DSE: variants seen among roughly 807,000 people sequenced by gnomAD.
The protein encoded by DSE is dermatan-sulfate epimerase.
In DSE, 36 loss-of-function variants were observed where a neutral mutation model predicts 84.4. The observed-to-expected ratio is 0.43, with a 90% CI of 0.33 to 0.56. The LOEUF is 0.56. DSE is among the 20% of genes least tolerant of loss of function. The pLI is 0.06. For missense variants in DSE, 862 were observed against 1,169.6 expected (o/e 0.74, Z 3.84); for synonymous variants, 410 against 430.1 (o/e 0.95, Z 0.58).
intron 1 of DSE, among the ~76,000 whole-genome samples, chr6:116,388,239 A>G: frequency 6.6e-6 from 1 of 152,198 alleles, no homozygotes; most frequent in Admixed American, 6.5e-5. Context: ...AGGCCTGAGA[A>G]CTAGGACCAC....
At chr6:116,328,468 C>T (rs1378402500) in intron 2 of DSE, among the ~76,000 whole-genome samples, 2 of 152,014 alleles carry the variant, frequency 1.3e-5, no homozygotes, top group African/African-American at 4.8e-5. Flanking sequence ...AGATGGGGTG[C>T]GAAGAGTTTC....
At chr6:116,427,478 AT>A (rs1281652239) in intron 3 of DSE, among the ~76,000 whole-genome samples, 1 of 152,248 alleles carries the variant, frequency 6.6e-6, no homozygotes, top group Non-Finnish European at 1.5e-5. Flanking sequence ...TAAATATATA[AT>A]TGGAGATTGG....
chr6:116,378,942 G>A (rs1296864409), intron 1 of DSE, among the ~76,000 whole-genome samples: 1 of 152,124 alleles, frequency 6.6e-6, no homozygotes, highest in Non-Finnish European at 1.5e-5. Context: ...TGTTGCCCAT[G>A]TAGGAAAGAA....
chr6:116,376,765 A>G (rs980715445), intron 1 of DSE, among the ~76,000 whole-genome samples: 1 of 152,246 alleles, frequency 6.6e-6, no homozygotes, highest in African/African-American at 2.4e-5. Context: ...TTGGCATTTT[A>G]TATTTGGGAA....
chr6:116,371,365 A>C (rs1562261267), intron 1 of DSE, among the ~76,000 whole-genome samples: 1 of 152,122 alleles, frequency 6.6e-6, no homozygotes, highest in Non-Finnish European at 1.5e-5. Context: ...CTCGAGGGGC[A>C]GCTTTTCGAT....
chr6:116,347,068 G>A (rs1562244922), intron 2 of DSE, among the ~76,000 whole-genome samples: 1 of 152,194 alleles, frequency 6.6e-6, no homozygotes, highest in East Asian at 1.9e-4. Flanking sequence ...TACAAGGGAT[G>A]TGAAGGACTT....
At chr6:116,392,468 G>A (rs1404478977) in intron 1 of DSE, among the ~76,000 whole-genome samples, 1 of 152,088 alleles carries the variant, frequency 6.6e-6, no homozygotes, top group African/African-American at 2.4e-5. Context: ...CTAACTATGG[G>A]GCCCATCCAT....
intron 1 of DSE, among the ~76,000 whole-genome samples, chr6:116,374,193 G>A (rs1477798851): frequency 2.0e-5 from 3 of 152,180 alleles, no homozygotes; most frequent in Non-Finnish European, 4.4e-5. Flanking sequence ...CAAAAGACTA[G>A]CATTTTGTGG....
At chr6:116,276,262 G>A (rs1023758870) in intron 2 of DSE, among the ~76,000 whole-genome samples, 4 of 152,094 alleles carry the variant, frequency 2.6e-5, no homozygotes, top group African/African-American at 9.7e-5. Context: ...GAAAATAGAG[G>A]AGTACATCAC....
intron 2 of DSE, among the ~76,000 whole-genome samples, chr6:116,412,289 A>G (rs887465782): frequency 6.6e-6 from 1 of 151,862 alleles, no homozygotes; most frequent in Non-Finnish European, 1.5e-5. Flanking sequence ...ATGACAAATT[A>G]TGCTTTCCTT....
At chr6:116,256,816 C>T (rs1323159593) in intron 1 of DSE, 1 of 152,138 alleles carries the variant, frequency 6.6e-6, no homozygotes, top group Non-Finnish European at 1.5e-5. Flanking sequence ...TTATATTTTA[C>T]ATTTTTTGCA....
chr6:116,342,396 C>T (rs1426212367), intron 2 of DSE, among the ~76,000 whole-genome samples: 1 of 151,848 alleles, frequency 6.6e-6, no homozygotes, highest in African/African-American at 2.4e-5. Context: ...ATTCTCCTGC[C>T]TCAGTCTCCT....
intron 2 of DSE, among the ~76,000 whole-genome samples, chr6:116,404,133 C>T (rs1781771073): frequency 6.6e-6 from 1 of 152,126 alleles, no homozygotes; most frequent in African/African-American, 2.4e-5. Context: ...TAGCCAAGCT[C>T]TTGGTAGATG....
At chr6:116,320,598 A>C (rs1232442314) in intron 2 of DSE, among the ~76,000 whole-genome samples, 5 of 152,202 alleles carry the variant, frequency 3.3e-5, no homozygotes, top group Admixed American at 1.3e-4. Flanking sequence ...TTAAACAACA[A>C]AAATTTATTT....
intron 2 of DSE, among the ~76,000 whole-genome samples, chr6:116,305,799 A>G (rs1029491541): frequency 6.6e-6 from 1 of 152,012 alleles, no homozygotes; most frequent in African/African-American, 2.4e-5. Flanking sequence ...GTGCCACCAC[A>G]GCCAGCTAAT....
chr6:116,384,840 G>A (rs370347714), intron 1 of DSE, among the ~76,000 whole-genome samples: 4 of 152,052 alleles, frequency 2.6e-5, no homozygotes, highest in East Asian at 3.9e-4. Flanking sequence ...ATTCTAGATG[G>A]GAGAGCCAAG....
intron 2 of DSE, among the ~76,000 whole-genome samples, chr6:116,304,861 T>C (rs1441544974): frequency 3.3e-5 from 5 of 152,206 alleles, no homozygotes; most frequent in Non-Finnish European, 5.9e-5. Flanking sequence ...CTACTATCTT[T>C]ATTAAATATT....
chr6:116,392,363 G>A (rs982207064), intron 1 of DSE, among the ~76,000 whole-genome samples: 2 of 152,162 alleles, frequency 1.3e-5, no homozygotes, highest in Non-Finnish European at 2.9e-5. Context: ...AGGGTGCAAC[G>A]TCAGGAACAT....
chr6:116,394,593 A>T (rs893261412), intron 1 of DSE, among the ~76,000 whole-genome samples: 2 of 152,074 alleles, frequency 1.3e-5, no homozygotes, highest in Non-Finnish European at 2.9e-5. Flanking sequence ...ATGCCACCAC[A>T]TCTGGCTAAT....
Sources: allele counts gnomAD v4.1 joint callset (sites outside exome capture counted in the v4.1 genomes callset), GRCh38; gene constraint gnomAD v4.1.1; transcripts MANE v1.5; gene names NCBI Gene and HGNC (gene_info 2026-07-23, HGNC 2026-07-21).